N4BP2: variants seen among roughly 807,000 people sequenced by gnomAD.
The protein encoded by N4BP2 is NEDD4-binding protein 2.
N4BP2 carries 91 observed loss-of-function variants against 152.8 expected under a neutral mutation model. The ratio of observed to expected loss-of-function variants is 0.60; its 90% CI spans 0.50 to 0.71. The LOEUF is 0.71. Among genes scored for constraint, N4BP2 ranks in the 30% least tolerant of loss-of-function variants. N4BP2 has a pLI of 0.00. For synonymous variants in N4BP2, 646 were observed against 705.3 expected (o/e 0.92, Z 1.33); for missense variants, 1,923 against 2,059.1 (o/e 0.93, Z 1.28).
At chr4:40,147,710 C>A (rs1357257469) in intron 16 of N4BP2, among the ~76,000 whole-genome samples, 1 of 150,266 alleles carries the variant, frequency 6.7e-6, no homozygotes, top group Non-Finnish European at 1.5e-5. Context: ...CCAGACGGGG[C>A]GGCTGGCCCT....
chr4:40,163,105 C>T (rs1472224138), downstream of N4BP2, among the ~76,000 whole-genome samples: 1 of 152,178 alleles, frequency 6.6e-6, no homozygotes, highest in Non-Finnish European at 1.5e-5. Context: ...TTTGTTAGAA[C>T]CAAGCCATTA....
chr4:40,088,680 A>G (rs1334889060), intron 2 of N4BP2, among the ~76,000 whole-genome samples: 2 of 151,850 alleles, frequency 1.3e-5, no homozygotes, highest in African/African-American at 2.4e-5. Flanking sequence ...TTGTATTTTT[A>G]CTAGAAACGG....
At chr4:40,186,651 A>G in the N4BP2 span, among the ~76,000 whole-genome samples, 1 of 152,210 alleles carries the variant, frequency 6.6e-6, no homozygotes, top group African/African-American at 2.4e-5. Context: ...TCGTTTTGTA[A>G]CCTGCTTTTT....
chr4:40,116,720 T>C (rs1717371626), intron 7 of N4BP2, among the ~76,000 whole-genome samples: 2 of 152,210 alleles, frequency 1.3e-5, no homozygotes, highest in African/African-American at 4.8e-5. Flanking sequence ...AATTGCCTTC[T>C]GCCTGATGTT....
chr4:40,098,357 T>G (rs1579016423), intron 3 of N4BP2, among the ~76,000 whole-genome samples: 1 of 152,204 alleles, frequency 6.6e-6, no homozygotes, highest in African/African-American at 2.4e-5. Flanking sequence ...CATAGGACTT[T>G]TTTTTGGTGA....
At chr4:40,163,580 T>A in the N4BP2 span, among the ~76,000 whole-genome samples, 1 of 152,238 alleles carries the variant, frequency 6.6e-6, no homozygotes, top group African/African-American at 2.4e-5. Flanking sequence ...GCATTCTTGT[T>A]CAGCAAGACT....
At chr4:40,130,964 A>G (rs1159409788) in intron 12 of N4BP2, among the ~76,000 whole-genome samples, 1 of 152,192 alleles carries the variant, frequency 6.6e-6, no homozygotes, top group Non-Finnish European at 1.5e-5. Flanking sequence ...TTTAGAGCAG[A>G]TCCAAATATG....
intron 12 of N4BP2, among the ~76,000 whole-genome samples, chr4:40,130,664 C>G (rs905916616): frequency 1.3e-5 from 2 of 152,116 alleles, no homozygotes; most frequent in Non-Finnish European, 2.9e-5. Flanking sequence ...ACCTGGCCAG[C>G]TTTTAAAAAA....
chr4:40,139,848 A>T (rs1719751641), intron 14 of N4BP2, among the ~76,000 whole-genome samples: 1 of 127,420 alleles, frequency 7.8e-6, no homozygotes, highest in Non-Finnish European at 1.6e-5. Context: ...TTTTTGAGAC[A>T]GGGTCTCACT....
chr4:40,105,269 TAAAG>T (rs1488725151), intron 4 of N4BP2, among the ~76,000 whole-genome samples: 1 of 151,990 alleles, frequency 6.6e-6, no homozygotes, highest in Non-Finnish European at 1.5e-5. Context: ...ATGATGGAGT[TAAAG>T]GAAGGAGAGA....
At chr4:40,100,202 T>C (rs746919428) in intron 3 of N4BP2, 3 of 408,710 alleles carry the variant, frequency 7.3e-6, no homozygotes, top group Non-Finnish European at 1.5e-5. Context: ...GAAAGTGTCA[T>C]AGCCAGCAGT....
the N4BP2 span, among the ~76,000 whole-genome samples, chr4:40,176,563 G>T: frequency 6.6e-6 from 1 of 152,176 alleles, no homozygotes; most frequent in South Asian, 2.1e-4. Context: ...CTCCAGTTAA[G>T]AAATGTAGGA....
the N4BP2 span, among the ~76,000 whole-genome samples, chr4:40,174,537 T>C: frequency 2.0e-5 from 3 of 151,584 alleles, no homozygotes; most frequent in African/African-American, 7.3e-5. Context: ...GTGCGGTGGC[T>C]CACGCCTGTA....
intron 3 of N4BP2, 29 bp from the exon 4 acceptor site, chr4:40,102,046 T>G: frequency 7.4e-7 from 1 of 1,354,084 alleles, no homozygotes; most frequent in Non-Finnish European, 1.0e-6. Context: ...TATATTTTTG[T>G]TGTTGTTATT....
chr4:40,100,195 A>G (rs946258199), intron 3 of N4BP2: 1 of 428,700 alleles, frequency 2.3e-6, no homozygotes, highest in Non-Finnish European at 4.7e-6. Flanking sequence ...ACTTGTTGAA[A>G]GTGTCATAGC....
intron 2 of N4BP2, among the ~76,000 whole-genome samples, chr4:40,091,634 G>T (rs2109939920): frequency 7.3e-6 from 1 of 136,944 alleles, no homozygotes; most frequent in Non-Finnish European, 1.6e-5. Context: ...TTGAGACAGG[G>T]TCTTACTGTT....
At chr4:40,061,168 TTTA>T (rs1228979199) in intron 1 of N4BP2, among the ~76,000 whole-genome samples, 3 of 151,316 alleles carry the variant, frequency 2.0e-5, no homozygotes, top group Non-Finnish European at 2.9e-5. Flanking sequence ...TATTAGTGTC[TTTA>T]TTATTATTAT....
chr4:40,107,575 G>T (rs927935012), intron 5 of N4BP2, among the ~76,000 whole-genome samples: 2 of 151,672 alleles, frequency 1.3e-5, no homozygotes, highest in Non-Finnish European at 2.9e-5. Context: ...ATAGAGACGG[G>T]GTTTCCCCGT....
chr4:40,102,495 C>T lies in N4BP2; in HGVS notation c.650C>T (p.Ser217Leu), dbSNP rs1337018800. 1 of 1,614,046 alleles carries T rather than the reference C, an allele frequency of 6.2e-7. No homozygotes were observed. The highest frequency in any genetic ancestry group is 1.3e-5 in the African/African-American group (1 of 74,928). Residue 217 changes from serine (S) to leucine (L), a missense_variant, in exon 4 of 18, where the codon TCA becomes TTA. Coordinates refer to ENST00000261435, the MANE Select transcript of N4BP2 (RefSeq NM_018177.6). ...ACTTTAAGTTTAAACCCATTACCTTCACATTCAGTTTTGAACGAGTCCAAG... is the reference window on the plus strand; with the variant it reads ...ACTTTAAGTTTAAACCCATTACCTTTACATTCAGTTTTGAACGAGTCCAAG... ...GSTLSLNPLP[S>L]HSVLNESKCF...
Sources: allele counts gnomAD v4.1 joint callset (sites outside exome capture counted in the v4.1 genomes callset), GRCh38; gene constraint gnomAD v4.1.1; transcripts MANE v1.5; gene names NCBI Gene and HGNC (gene_info 2026-07-23, HGNC 2026-07-21).